Variants in RHBDD1 observed in about 807,000 individuals in gnomAD.
The protein encoded by RHBDD1 is rhomboid domain containing 1.
RHBDD1 carries 38 observed loss-of-function variants against 36.3 expected under a neutral mutation model. The observed-to-expected ratio is 1.05, with a 90% CI of 0.81 to 1.37. The LOEUF is 1.37. Ranked by LOEUF, RHBDD1 falls within the 40% of genes most tolerant of loss-of-function variation. RHBDD1 has a pLI of 0.00. For synonymous variants in RHBDD1, 151 were observed against 136.5 expected (o/e 1.11, Z -0.74); for missense variants, 393 against 377.6 (o/e 1.04, Z -0.34).
chr2:226,879,175 C>G (rs796305297), intron 5 of RHBDD1, among the ~76,000 whole-genome samples: 119 of 151,268 alleles, frequency 7.9e-4, no homozygotes, highest in African/African-American at 2.8e-3. Context: ...TGTATATGTG[C>G]TGGGTGAAGT....
In RHBDD1 at chr2:226,867,226, C is replaced by T; in HGVS notation, c.474C>T (p.Cys158=). 2.5e-6 allele frequency: 4 copies of T among 1,612,880 alleles called. No homozygotes were observed. The highest frequency in any genetic ancestry group is 3.4e-6 in the Non-Finnish European group (4 of 1,179,340). The change falls in exon 5 of 9, where the codon TGC becomes TGT. Residue 158 remains cysteine (C), a synonymous_variant. Transcript: ENST00000392062. ...FALKVLNNHY[C]PGGFVNILGF... ...TGAAAGTTCTTAACAACCATTATTG[C>T]CCTGGAGGCTTTGTCAACATTTTGG...
At chr2:226,819,910 C>T in the RHBDD1 span, among the ~76,000 whole-genome samples, 2 of 151,004 alleles carry the variant, frequency 1.3e-5, no homozygotes, top group African/African-American at 4.9e-5. Context: ...TCAAGAAAAT[C>T]CAAGGTAAAA....
At chr2:226,920,521 G>T (rs1464449282) in intron 8 of RHBDD1, among the ~76,000 whole-genome samples, 1 of 152,072 alleles carries the variant, frequency 6.6e-6, no homozygotes, top group Non-Finnish European at 1.5e-5. Flanking sequence ...CTAGCTGTGG[G>T]TCTGTCATAT....
chr2:226,876,323 T>C (rs1574913151), intron 5 of RHBDD1, among the ~76,000 whole-genome samples: 1 of 152,126 alleles, frequency 6.6e-6, no homozygotes, highest in South Asian at 2.1e-4. Context: ...CTAGAACTAG[T>C]GCAGTGACTG....
chr2:226,959,024 T>G (rs1951993643), intron 8 of RHBDD1, among the ~76,000 whole-genome samples: 1 of 152,106 alleles, frequency 6.6e-6, no homozygotes, highest in Non-Finnish European at 1.5e-5. Flanking sequence ...TGGTAATAGT[T>G]CTCTTTAGCA....
chr2:226,906,745 T>C (rs1334566758), intron 5 of RHBDD1, 48 bp from the exon 6 acceptor site: 5 of 1,613,712 alleles, frequency 3.1e-6, no homozygotes, highest in Admixed American at 1.7e-5. Context: ...AGAATGTCTC[T>C]AATCAGCAGC....
At position 226,854,601 on chromosome 2, in the gene RHBDD1, G is replaced by GAA. The variant is rs34985443; in HGVS notation, c.-90-9986_-90-9985dup. On this transcript the variant is annotated intron_variant, in intron 3 of 8. Transcript: ENST00000392062. Reference sequence around the variant, plus strand: ...GGGTGACAGAGCCAGACTCTGTTTCGAAAAAAAAAAAAAAAAAAGGCGCTT... The same window carrying GAA: ...GGGTGACAGAGCCAGACTCTGTTTCGAAAAAAAAAAAAAAAAAAAAGGCGCTT... Among the ~76,000 whole-genome samples, 469 of 83,666 alleles carry GAA rather than the reference G, an allele frequency of 5.6e-3. 22 individuals carry two copies. The highest frequency in any genetic ancestry group is 0.018 in the African/African-American group (439 of 24,738). 54.9% of individuals were successfully genotyped at this position (83,666 alleles called of 152,430 possible).
At chr2:226,972,102 T>C (rs1953637312) in intron 8 of RHBDD1, among the ~76,000 whole-genome samples, 1 of 152,054 alleles carries the variant, frequency 6.6e-6, no homozygotes, top group South Asian at 2.1e-4. Context: ...CAACAGGCCT[T>C]GGTGTGTGCT....
the RHBDD1 span, among the ~76,000 whole-genome samples, chr2:226,816,022 G>C: frequency 6.6e-6 from 1 of 152,198 alleles, no homozygotes; most frequent in Non-Finnish European, 1.5e-5. Flanking sequence ...TAGCATGTCT[G>C]TTAGTGTGTA....
intron 5 of RHBDD1, among the ~76,000 whole-genome samples, chr2:226,872,822 A>C (rs1034219149): frequency 1.3e-5 from 2 of 152,226 alleles, no homozygotes; most frequent in African/African-American, 4.8e-5. Context: ...TGTGATTTGC[A>C]TATAATTTTG....
At chr2:226,898,891 T>C (rs1192626367) in intron 5 of RHBDD1, among the ~76,000 whole-genome samples, 1 of 152,230 alleles carries the variant, frequency 6.6e-6, no homozygotes, top group Admixed American at 6.5e-5. Flanking sequence ...TTACCTTACC[T>C]TGTTCCTTTA....
At chr2:226,986,570 A>C (rs13028357) in intron 8 of RHBDD1, among the ~76,000 whole-genome samples, 18,963 of 152,284 alleles carry the variant, frequency 0.12, 1,283 homozygotes, top group African/African-American at 0.17. Context: ...GCCAAGAAGC[A>C]TATGAAAAAA....
chr2:226,912,715 T>A (rs992883475), intron 7 of RHBDD1, among the ~76,000 whole-genome samples: 3 of 151,822 alleles, frequency 2.0e-5, no homozygotes, highest in Non-Finnish European at 2.9e-5. Flanking sequence ...GATGGGAGGG[T>A]GAGGATTGTT....
At chr2:226,985,810 T>A (rs1956814585) in intron 8 of RHBDD1, among the ~76,000 whole-genome samples, 1 of 152,246 alleles carries the variant, frequency 6.6e-6, no homozygotes, top group Admixed American at 6.5e-5. Context: ...TCCAGACCAC[T>A]ATATCCTACT....
intron 5 of RHBDD1, among the ~76,000 whole-genome samples, chr2:226,894,088 A>T (rs1377287392): frequency 6.6e-6 from 1 of 152,190 alleles, no homozygotes; most frequent in Non-Finnish European, 1.5e-5. Context: ...TTTTAACCTC[A>T]CGTAAACTCA....
At chr2:226,934,911 C>T (rs930374769) in intron 8 of RHBDD1, among the ~76,000 whole-genome samples, 1 of 151,346 alleles carries the variant, frequency 6.6e-6, no homozygotes, top group African/African-American at 2.4e-5. Context: ...GTGCTGGGTA[C>T]AAAGCTCTGT....
chr2:226,941,257 C>T (rs961502518), intron 8 of RHBDD1, among the ~76,000 whole-genome samples: 4 of 152,150 alleles, frequency 2.6e-5, no homozygotes, highest in African/African-American at 9.7e-5. Context: ...TGAGCCACCC[C>T]GACCGGCCTG....
chr2:226,822,852 G>A, the RHBDD1 span, among the ~76,000 whole-genome samples: 14 of 151,930 alleles, frequency 9.2e-5, no homozygotes, highest in South Asian at 8.3e-4. Flanking sequence ...GGGGCCAGGC[G>A]CGGAGGCTTA....
At chr2:226,994,001 A>G (rs946235345) in intron 8 of RHBDD1, among the ~76,000 whole-genome samples, 8 of 151,888 alleles carry the variant, frequency 5.3e-5, no homozygotes, top group Non-Finnish European at 1.2e-4. Context: ...CTCCCTTCCC[A>G]GCCAGGCTAG....
Sources: allele counts gnomAD v4.1 joint callset (sites outside exome capture counted in the v4.1 genomes callset), GRCh38; gene constraint gnomAD v4.1.1; transcripts MANE v1.5; gene names NCBI Gene and HGNC (gene_info 2026-07-23, HGNC 2026-07-21).